Variants in PHRF1 observed in about 807,000 individuals in gnomAD.
PHRF1 encodes the protein PHD and ring finger domains 1.
In PHRF1, 53 loss-of-function variants were observed where a neutral mutation model predicts 128.9. The observed-to-expected ratio is 0.41, with a 90% CI of 0.33 to 0.52. The LOEUF is 0.52. Ranked by LOEUF, PHRF1 falls within the 20% of genes least tolerant of loss-of-function variation. The probability of loss-of-function intolerance (pLI) is 0.21; values close to 1 mark genes in which losing one functional copy is unlikely to be tolerated. For synonymous variants in PHRF1, 1,178 were observed against 980.6 expected, an observed-to-expected ratio of 1.20 and a Z score of -3.76; for missense variants, 2,503 against 2,284.5, an observed-to-expected ratio of 1.10 and a Z score of -1.95.
chr11:603,537 G>A (rs371608932), intron 10 of PHRF1, among the ~76,000 whole-genome samples: 5 of 151,826 alleles, frequency 3.3e-5, no homozygotes, highest in African/African-American at 1.2e-4. Flanking sequence ...GTCTCACTGC[G>A]TTCCCCAAGC....
chr11:587,514 G>C (rs758480789), intron 4 of PHRF1, 50 bp downstream of exon 4: 118 of 1,574,572 alleles, frequency 7.5e-5, no homozygotes, highest in Non-Finnish European at 9.9e-5. Context: ...TGGCCTCCCT[G>C]TTTATAGGTG....
intron 3 of PHRF1, 62 bp from the exon 4 acceptor site, chr11:587,197 C>G: frequency 6.5e-7 from 1 of 1,536,992 alleles, no homozygotes; most frequent in South Asian, 1.2e-5. Flanking sequence ...GCCCGCTTGC[C>G]TCCAGTGCCG....
chr11:591,540 C>T, intron 5 of PHRF1, 73 bp downstream of exon 5: 5 of 1,268,460 alleles, frequency 3.9e-6, no homozygotes, highest in Non-Finnish European at 5.4e-6. Context: ...GCATGCTTTC[C>T]AAAGTGGGCT....
chr11:598,526 C>G (rs755106559), intron 9 of PHRF1, 24 bp downstream of exon 9: 1 of 1,598,774 alleles, frequency 6.3e-7, no homozygotes, highest in African/African-American at 1.3e-5. Context: ...GATGGACTCT[C>G]CCGCCAGCCA....
chr11:610,312 C>A lies in PHRF1; in HGVS notation c.4381C>A (p.Pro1461Thr). The change falls in exon 15 of 18, where the codon CCG becomes ACG. Residue 1461 changes from proline (P) to threonine (T), a missense_variant. Transcript: ENST00000264555. ...SELPFPSHVL[P>T]EPGFPDTDPS... ...GCTGCCCTTTCCCAGTCACGTGCTT[C>A]CGGAACCCGGGTTCCCAGACACAGA... 1 of 1,565,448 alleles carries A rather than the reference C, an allele frequency of 6.4e-7. No individual in the cohort carries two copies. The highest frequency in any genetic ancestry group is 1.4e-5 in the African/African-American group (1 of 73,682).
At chr11:592,314 T>G (rs976602337) in intron 5 of PHRF1, among the ~76,000 whole-genome samples, 1 of 152,124 alleles carries the variant, frequency 6.6e-6, no homozygotes, top group Non-Finnish European at 1.5e-5. Flanking sequence ...CCGCAGGGCT[T>G]ACCCGCTCCT....
chr11:600,839 G>A (rs1855585059), intron 9 of PHRF1, among the ~76,000 whole-genome samples: 1 of 151,984 alleles, frequency 6.6e-6, no homozygotes, highest in African/African-American at 2.4e-5. Context: ...GGTGGCGGGC[G>A]CCTGTAGTCC....
intron 4 of PHRF1, among the ~76,000 whole-genome samples, chr11:590,764 C>T (rs960564622): frequency 6.6e-6 from 1 of 152,142 alleles, no homozygotes; most frequent in Non-Finnish European, 1.5e-5. Flanking sequence ...AGTGCAGTGG[C>T]GCCATCTCGG....
chr11:583,460 C>G (rs924873816), intron 3 of PHRF1, among the ~76,000 whole-genome samples: 5 of 149,940 alleles, frequency 3.3e-5, no homozygotes, highest in Non-Finnish European at 7.4e-5. Context: ...GAGGCTACAG[C>G]GAGCTGAGAT....
chr11:608,483 G>A lies in PHRF1; in HGVS notation c.3027G>A (p.Arg1009=). 2 of 1,612,498 alleles carry A rather than the reference G, an allele frequency of 1.2e-6. No homozygotes were observed. The highest frequency in any genetic ancestry group is 1.7e-6 in the Non-Finnish European group (2 of 1,179,842). The stretch of plus-strand genomic sequence containing the variant: ...GCAGGAAGAAGGCCAAGAGGAAGAG[G>A]GTGTCCAGGGAGCACGGACGGACGC... ...SRSRKKAKRK[R]VSREHGRTRS... is the part of the protein sequence containing the mutation. The change falls in exon 14 of 18, where the codon AGG becomes AGA. Residue 1009 remains arginine, a synonymous_variant. Transcript: ENST00000264555.
chr11:584,430 G>T (rs1854402760), intron 3 of PHRF1, among the ~76,000 whole-genome samples: 1 of 152,196 alleles, frequency 6.6e-6, no homozygotes, highest in South Asian at 2.1e-4. Flanking sequence ...CAAACAGTGC[G>T]CCAAGCAGCA....
At chr11:585,625 C>T (rs1440440594) in intron 3 of PHRF1, among the ~76,000 whole-genome samples, 48 of 97,870 alleles carry the variant, frequency 4.9e-4, no homozygotes, top group South Asian at 7.0e-4. Context: ...AGGTAGTAGC[C>T]CTTTCCAGCT....
At chr11:593,662 A>G (rs1207237424) in intron 6 of PHRF1, among the ~76,000 whole-genome samples, 2 of 152,196 alleles carry the variant, frequency 1.3e-5, no homozygotes, top group African/African-American at 4.8e-5. Context: ...GGGGTCCTGC[A>G]GGCGGCCACC....
At chr11:600,293 G>A (rs1855551873) in intron 9 of PHRF1, among the ~76,000 whole-genome samples, 1 of 150,358 alleles carries the variant, frequency 6.7e-6, no homozygotes, top group South Asian at 2.1e-4. Flanking sequence ...TCTTGCCCAG[G>A]CTGGAGTGCA....
intron 1 of PHRF1, among the ~76,000 whole-genome samples, chr11:577,452 G>A (rs535045130): frequency 6.6e-6 from 1 of 152,322 alleles, no homozygotes; most frequent in South Asian, 2.1e-4. Flanking sequence ...CTTCGGGTTT[G>A]GCATAGTTGA....
intron 1 of PHRF1, among the ~76,000 whole-genome samples, chr11:578,844 C>A (rs12421646): frequency 2.6e-5 from 4 of 151,998 alleles, no homozygotes; most frequent in African/African-American, 7.3e-5. Flanking sequence ...AGCCACCACG[C>A]CCGGCTGATT....
Position 597,631 on chromosome 11 carries a change from G to C in PHRF1, c.894+61G>C. On this transcript the variant is annotated intron_variant, in intron 8 of 17. Coordinates refer to ENST00000264555, the MANE Select transcript of PHRF1 (RefSeq NM_001286581.2). The surrounding 1 kb of genome is among the most constrained non-coding windows in gnomAD (Gnocchi z 6.5). ...CCAGCTGCCCAGAGTGATCTCGGCA[G>C]TCTGGGTGGGTGGGAGGGGCGTCGT... 6.7e-7 allele frequency: 1 copy of C among 1,494,532 alleles called. No individual in the cohort carries two copies. Among genetic ancestry groups the C allele is most frequent in the Admixed American group, 2.0e-5 (1 of 50,176 alleles). 92.6% of individuals were successfully genotyped at this position (1,494,532 alleles called of 1,614,324 possible).
rs760856399 is a variant in PHRF1, at chr11:598,494, G to C, written c.1016G>C (p.Arg339Thr). 4 of 1,608,558 alleles carry C rather than the reference G, an allele frequency of 2.5e-6. No homozygotes were observed. The highest frequency in any genetic ancestry group is 3.4e-6 in the Non-Finnish European group (4 of 1,179,210). The change falls in exon 9 of 18, where the codon AGG becomes ACG. Residue 339 changes from arginine (R) to threonine (T), a missense_variant. Transcript: ENST00000264555. ...LTPRTPARRK[R>T]KTRRRKKVPG... ...CCGCGCACTCCCGCCCGACGGAAGA[G>C]GAAGACAAGTAAGCCTGAAGGGATG...
Position 610,940 on chromosome 11 carries a change from CAT to C in PHRF1, c.4678-13_4678-12del, listed in dbSNP as rs780678232. 1.4e-5 allele frequency: 23 copies of C among 1,612,164 alleles called. No individual in the cohort carries two copies. The highest frequency in any genetic ancestry group is 1.6e-4 in the Middle Eastern group (1 of 6,064). ...GCTCCCTTCCTGGCCGCATCACACACATGTCCCCTCTAGTACATGAAGAAGCT... is the reference window on the plus strand; with the variant it reads ...GCTCCCTTCCTGGCCGCATCACACACGTCCCCTCTAGTACATGAAGAAGCT... On this transcript the variant is annotated splice_polypyrimidine_tract_variant and intron_variant, in intron 16 of 17. Coordinates refer to ENST00000264555, the MANE Select transcript of PHRF1 (RefSeq NM_001286581.2).
Sources: allele counts gnomAD v4.1 joint callset (sites outside exome capture counted in the v4.1 genomes callset), GRCh38; gene constraint gnomAD v4.1.1; non-coding constraint Gnocchi (gnomAD v3.1); transcripts MANE v1.5; gene names NCBI Gene and HGNC (gene_info 2026-07-23, HGNC 2026-07-21).